The following SCN7A variants were observed in gnomAD, a reference collection of about 807,000 sequenced individuals.
SCN7A encodes the protein sodium channel protein type 7 subunit alpha.
SCN7A carries 138 observed loss-of-function variants against 155.2 expected under a neutral mutation model. The observed-to-expected ratio is 0.89, with a 90% CI of 0.77 to 1.02. The LOEUF is 1.02. SCN7A is among the 50% of genes least tolerant of loss of function. The pLI, the probability that SCN7A is intolerant of heterozygous loss-of-function variation, is 0.00. For missense variants in SCN7A, 2,058 were observed against 1,986.6 expected, an observed-to-expected ratio of 1.04 and a Z score of -0.68; for synonymous variants, 693 against 649.0, an observed-to-expected ratio of 1.07 and a Z score of -1.03.
intron 1 of SCN7A, among the ~76,000 whole-genome samples, chr2:166,493,467 C>T (rs1158507571): frequency 6.6e-6 from 1 of 152,158 alleles, no homozygotes; most frequent in Non-Finnish European, 1.5e-5. Context: ...CCAAAATGCC[C>T]AACTGACTAA....
chr2:166,493,145 T>G (rs1683151896), intron 1 of SCN7A, among the ~76,000 whole-genome samples: 1 of 152,198 alleles, frequency 6.6e-6, no homozygotes, highest in Non-Finnish European at 1.5e-5. Context: ...TGCCATAAAT[T>G]GCTCTCCTGA....
chr2:166,465,670 C>T, intron 8 of SCN7A, 111 bp downstream of exon 8: 1 of 1,326,818 alleles, frequency 7.5e-7, no homozygotes, highest in Non-Finnish European at 1.1e-6. Context: ...GCCTTTCAAC[C>T]AGCGCCTTTG....
intron 1 of SCN7A, among the ~76,000 whole-genome samples, chr2:166,489,309 T>TA (rs957727817): frequency 3.7e-4 from 57 of 152,236 alleles, no homozygotes; most frequent in African/African-American, 1.4e-3. Context: ...AGCATGTGCA[T>TA]AATGTTTTCC....
chr2:166,453,634 C>A (rs1425613872), intron 11 of SCN7A, among the ~76,000 whole-genome samples: 1 of 152,126 alleles, frequency 6.6e-6, no homozygotes, highest in Non-Finnish European at 1.5e-5. Context: ...AGCTAACAAA[C>A]TTGGCAAACA....
At position 166,465,904 on chromosome 2, in the gene SCN7A, T is replaced by A; in HGVS notation, c.748A>T (p.Ile250Leu). 1 of 1,613,848 alleles carries A rather than the reference T, an allele frequency of 6.2e-7. No homozygotes were observed. The highest frequency in any genetic ancestry group is 8.5e-7 in the Non-Finnish European group (1 of 1,179,840). The change falls in exon 8 of 26, where the codon ATA (isoleucine) becomes TTA (leucine). Residue 250 changes from isoleucine to leucine, a missense_variant. By Grantham distance (5) the Ile-to-Leu change is conservative. Transcript: ENST00000643258. Reference sequence around the variant, plus strand: ...AGCCCCATCCCAATTAGAGAAAATATGCTCAGAAAAAACAGAGTTAGGATA... The same window carrying A: ...AGCCCCATCCCAATTAGAGAAAATAAGCTCAGAAAAAACAGAGTTAGGATA... ...VIILTLFFLSIFSLIGMGLFM... is the reference protein window; with the variant it reads ...VIILTLFFLSLFSLIGMGLFM...
intron 15 of SCN7A, among the ~76,000 whole-genome samples, chr2:166,439,330 T>C (rs1701907278): frequency 6.6e-6 from 1 of 152,012 alleles, no homozygotes; most frequent in Non-Finnish European, 1.5e-5. Flanking sequence ...TAGTTAAGAA[T>C]GGGCATGTGA....
rs34717897 is a variant in SCN7A at position 166,461,048 on chromosome 2, CTTTTTTTTTTTT to C, written c.1083+1329_1083+1340del. 8.3e-5 allele frequency among the ~76,000 whole-genome samples: 8 copies of C among 96,680 alleles called. 1 individual carries two copies. Among genetic ancestry groups the C allele is most frequent in the African/African-American group, 2.8e-4 (7 of 24,708 alleles). The allele number at this position is 96,680 out of a possible 152,430, so 63.4% of individuals were successfully genotyped here. On this transcript the variant is annotated intron_variant, in intron 10 of 25. Transcript: ENST00000643258. ...GTAAAAATGTCACTTGTAATATTTTCTTTTTTTTTTTTTTTTTTTTTTTTTACCAAAAATACA... is the reference window on the plus strand; with the variant it reads ...GTAAAAATGTCACTTGTAATATTTTCTTTTTTTTTTTTTACCAAAAATACA...
At chr2:166,457,742 C>CATAATAATTTCCT (rs1479965479) in intron 10 of SCN7A, among the ~76,000 whole-genome samples, 1 of 152,036 alleles carries the variant, frequency 6.6e-6, no homozygotes, top group Non-Finnish European at 1.5e-5. Context: ...CTTTTTATTT[C>CATAATAATTTCCT]ATAATAATTT....
At chr2:166,441,323 A>G (rs761456900) in intron 15 of SCN7A, 73 bp downstream of exon 15, 5 of 1,033,732 alleles carry the variant, frequency 4.8e-6, no homozygotes, top group Non-Finnish European at 7.0e-6. Flanking sequence ...AGATCCCATC[A>G]ATGCACATCA....
chr2:166,410,401 A>C, intron 23 of SCN7A, 77 bp from the exon 24 acceptor site: 1 of 918,088 alleles, frequency 1.1e-6, no homozygotes. Context: ...CATTTTAAAG[A>C]CTTGGCAATT....
chr2:166,457,105 G>A (rs778566861), intron 10 of SCN7A, 29 bp from the exon 11 acceptor site: 28 of 1,465,578 alleles, frequency 1.9e-5, no homozygotes, highest in Non-Finnish European at 2.5e-5. Flanking sequence ...TAAGGCAAAA[G>A]AGTAAAATGT....
intron 12 of SCN7A, among the ~76,000 whole-genome samples, chr2:166,445,599 CT>C (rs869242175): frequency 8.6e-6 from 1 of 116,436 alleles, no homozygotes; most frequent in Non-Finnish European, 2.0e-5. Flanking sequence ...CTCTCTCTCT[CT>C]TTTTTGTCTG....
At chr2:166,421,154 A>C in intron 20 of SCN7A, 36 bp downstream of exon 20, 1 of 1,361,530 alleles carries the variant, frequency 7.3e-7, no homozygotes, top group Non-Finnish European at 1.0e-6. Flanking sequence ...ATTCCAAATA[A>C]AAATTTGTAG....
At chr2:166,453,980 G>T (rs1011618189) in intron 11 of SCN7A, among the ~76,000 whole-genome samples, 21 of 152,062 alleles carry the variant, frequency 1.4e-4, no homozygotes, top group African/African-American at 2.2e-4. Context: ...TCCAGGAAAA[G>T]AAATGGGTTA....
intron 3 of SCN7A, 141 bp downstream of exon 3, chr2:166,477,322 C>A: frequency 1.5e-6 from 1 of 650,362 alleles, no homozygotes; most frequent in Non-Finnish European, 2.5e-6. Context: ...AATGAGATAT[C>A]TTATGTCGTT....
At chr2:166,483,320 G>C (rs962161108) in intron 2 of SCN7A, among the ~76,000 whole-genome samples, 9 of 152,010 alleles carry the variant, frequency 5.9e-5, no homozygotes, top group African/African-American at 2.2e-4. Flanking sequence ...TGAAGAAGTG[G>C]ACTAGACGTT....
At chr2:166,447,782 C>T (rs1034937183) in intron 11 of SCN7A, 74 bp from the exon 12 acceptor site, 256 of 1,028,230 alleles carry the variant, frequency 2.5e-4, no homozygotes, top group Non-Finnish European at 3.6e-4. Context: ...GGTGCACAGC[C>T]TTGCTAAAAA....
intron 17 of SCN7A, among the ~76,000 whole-genome samples, chr2:166,428,436 G>C (rs1172254790): frequency 1.3e-5 from 2 of 151,976 alleles, no homozygotes; most frequent in Non-Finnish European, 2.9e-5. Flanking sequence ...TTCTTAGGTG[G>C]CATGAAAATG....
At chr2:166,458,326 C>CAAA (rs71395231) in intron 10 of SCN7A, among the ~76,000 whole-genome samples, 4 of 97,952 alleles carry the variant, frequency 4.1e-5, no homozygotes, top group Non-Finnish European at 8.6e-5. Flanking sequence ...GACCATGTAT[C>CAAA]AAAAAAAAAA....
Sources: allele counts gnomAD v4.1 joint callset (sites outside exome capture counted in the v4.1 genomes callset), GRCh38; gene constraint gnomAD v4.1.1; transcripts MANE v1.5; gene names NCBI Gene and HGNC (gene_info 2026-07-23, HGNC 2026-07-21).